DENND1A: variants seen among roughly 807,000 people sequenced by gnomAD.
The protein encoded by DENND1A is DENN domain containing 1A, also known as DENN domain-containing protein 1A.
DENND1A carries 51 observed loss-of-function variants against 113.7 expected under a neutral mutation model. That is an observed-to-expected ratio of 0.45 (90% CI 0.36 to 0.57). The LOEUF is 0.57. Among genes scored for constraint, DENND1A ranks in the 20% least tolerant of loss-of-function variants. The pLI, the probability that DENND1A is intolerant of heterozygous loss-of-function variation, is 0.00. For synonymous variants in DENND1A, 565 were observed against 570.8 expected, an observed-to-expected ratio of 0.99 and a Z score of 0.14; for missense variants, 1,258 against 1,395.9, an observed-to-expected ratio of 0.90 and a Z score of 1.57.
chr9:123,747,366 G>A (rs1191359539), intron 5 of DENND1A, among the ~76,000 whole-genome samples: 9 of 152,068 alleles, frequency 5.9e-5, no homozygotes, highest in Non-Finnish European at 2.9e-5. Flanking sequence ...TACTTCAAAG[G>A]CATCTGAAAT....
chr9:123,919,346 C>T (rs1855799616), intron 1 of DENND1A, among the ~76,000 whole-genome samples: 1 of 151,734 alleles, frequency 6.6e-6, no homozygotes, highest in African/African-American at 2.4e-5. Flanking sequence ...GTGGCGCACA[C>T]CTGTAATCCC....
chr9:123,807,229 AT>A (rs1214394364), intron 2 of DENND1A, among the ~76,000 whole-genome samples: 1 of 152,074 alleles, frequency 6.6e-6, no homozygotes, highest in Non-Finnish European at 1.5e-5. Flanking sequence ...TATATTCTGA[AT>A]TTTCTATATT....
chr9:123,510,384 A>G (rs7039174), intron 13 of DENND1A, among the ~76,000 whole-genome samples: 1 of 152,160 alleles, frequency 6.6e-6, no homozygotes, highest in African/African-American at 2.4e-5. Context: ...TGAGCACACA[A>G]GGACACATCC....
intron 5 of DENND1A, among the ~76,000 whole-genome samples, chr9:123,718,955 C>T (rs1316905230): frequency 6.6e-6 from 1 of 152,142 alleles, no homozygotes; most frequent in Non-Finnish European, 1.5e-5. Flanking sequence ...GGGGCAGTTT[C>T]CCCCATACTG....
intron 1 of DENND1A, among the ~76,000 whole-genome samples, chr9:123,880,576 T>C (rs910574449): frequency 3.3e-5 from 5 of 152,216 alleles, no homozygotes; most frequent in South Asian, 2.1e-4. Context: ...TTACATCAAA[T>C]AAATACTTTT....
At chr9:123,873,966 C>A (rs1309288837) in intron 2 of DENND1A, among the ~76,000 whole-genome samples, 1 of 152,110 alleles carries the variant, frequency 6.6e-6, no homozygotes, top group African/African-American at 2.4e-5. Context: ...TGGTCTCGAA[C>A]TCTTGACCTT....
At chr9:123,915,370 C>T (rs1854897925) in intron 1 of DENND1A, among the ~76,000 whole-genome samples, 1 of 151,896 alleles carries the variant, frequency 6.6e-6, no homozygotes, top group Admixed American at 6.6e-5. Flanking sequence ...AACCAAAAGA[C>T]AAATCACAGA....
chr9:123,658,747 G>T (rs2063089413), intron 8 of DENND1A, among the ~76,000 whole-genome samples: 1 of 152,096 alleles, frequency 6.6e-6, no homozygotes, highest in African/African-American at 2.4e-5. Context: ...TACATATTGG[G>T]CATCTATTCT....
chr9:123,490,415 A>C (rs1395241462), intron 13 of DENND1A, among the ~76,000 whole-genome samples: 1 of 152,014 alleles, frequency 6.6e-6, no homozygotes, highest in Non-Finnish European at 1.5e-5. Context: ...GTAAAACCCC[A>C]TCTCTACTAA....
At chr9:123,828,733 T>C (rs1365620720) in intron 2 of DENND1A, among the ~76,000 whole-genome samples, 2 of 149,338 alleles carry the variant, frequency 1.3e-5, no homozygotes, top group Non-Finnish European at 3.0e-5. Flanking sequence ...CAGAAGACAA[T>C]GAGATGATAT....
At chr9:123,704,476 G>A (rs774265904) in intron 5 of DENND1A, among the ~76,000 whole-genome samples, 4 of 152,150 alleles carry the variant, frequency 2.6e-5, no homozygotes, top group Non-Finnish European at 5.9e-5. Flanking sequence ...ACATGGAGTT[G>A]CAATCCAAAT....
rs554892980 is a variant in DENND1A, at chr9:123,707,288, C to T, written c.303-30499G>A. The stretch of plus-strand genomic sequence containing the variant: ...GCATGCCTGTAATCCCAGCTACTCG[C>T]GAGGCTGAGGCAGGAGAATCACTTG... On this transcript the variant is annotated intron_variant, in intron 5 of 23. Coordinates refer to ENST00000394215, the MANE Select transcript of DENND1A (RefSeq NM_001352964.2). Among the ~76,000 whole-genome samples the T allele has an allele frequency of 1.7e-3, 253 of 151,464 alleles. 2 individuals carry two copies. Among genetic ancestry groups the T allele is most frequent in the African/African-American group, 5.9e-3 (245 of 41,268 alleles).
At chr9:123,728,479 CAAAAAAA>C (rs60761810) in intron 5 of DENND1A, among the ~76,000 whole-genome samples, 79 of 25,190 alleles carry the variant, frequency 3.1e-3, no homozygotes, top group Middle Eastern at 0.031. Flanking sequence ...CTCTGTCTCC[CAAAAAAA>C]AAAAAAAAAA....
At chr9:123,597,583 T>A (rs1284814368) in intron 11 of DENND1A, among the ~76,000 whole-genome samples, 2 of 152,182 alleles carry the variant, frequency 1.3e-5, no homozygotes, top group Non-Finnish European at 2.9e-5. Context: ...ATAGCTGCTC[T>A]TGGGGTTATT....
chr9:123,619,850 T>A (rs1383040473), intron 10 of DENND1A, among the ~76,000 whole-genome samples: 2 of 152,050 alleles, frequency 1.3e-5, no homozygotes, highest in African/African-American at 4.8e-5. Context: ...ACAGAATCTG[T>A]AACATAGATA....
intron 3 of DENND1A, among the ~76,000 whole-genome samples, chr9:123,787,623 T>C (rs575575146): frequency 2.8e-4 from 42 of 152,336 alleles, no homozygotes; most frequent in Non-Finnish European, 5.4e-4. Context: ...AGCAATTACA[T>C]GCAACTCAGA....
chr9:123,595,171 C>T (rs936099739), intron 11 of DENND1A, among the ~76,000 whole-genome samples: 1 of 152,064 alleles, frequency 6.6e-6, no homozygotes, highest in African/African-American at 2.4e-5. Flanking sequence ...GTGCTTTAAA[C>T]AGAAACAGAA....
intron 13 of DENND1A, among the ~76,000 whole-genome samples, chr9:123,549,163 T>A (rs978751728): frequency 3.3e-5 from 5 of 152,202 alleles, no homozygotes; most frequent in African/African-American, 1.2e-4. Flanking sequence ...ACTCCCAACC[T>A]GTGTGGAGGG....
At chr9:123,443,473 T>C (rs1457994566) in intron 18 of DENND1A, among the ~76,000 whole-genome samples, 4 of 152,250 alleles carry the variant, frequency 2.6e-5, no homozygotes, top group Admixed American at 6.5e-5. Flanking sequence ...CAGATGTACC[T>C]GCGTGTCAAA....
Sources: allele counts gnomAD v4.1 joint callset (sites outside exome capture counted in the v4.1 genomes callset), GRCh38; gene constraint gnomAD v4.1.1; transcripts MANE v1.5; gene names NCBI Gene and HGNC (gene_info 2026-07-23, HGNC 2026-07-21).